The following ICE2 variants were observed in gnomAD, a reference collection of about 807,000 sequenced individuals.
The protein encoded by ICE2 is interactor of little elongation complex ELL subunit 2, also known as little elongation complex subunit 2.
In ICE2, 87 loss-of-function variants were observed where a neutral mutation model predicts 105.4. The observed-to-expected ratio is 0.83, with a 90% CI of 0.69 to 0.99. ICE2 has a LOEUF of 0.99. Among genes scored for constraint, ICE2 ranks in the 50% least tolerant of loss-of-function variants. The probability of loss-of-function intolerance (pLI) is 0.00; values close to 1 mark genes in which losing one functional copy is unlikely to be tolerated. For synonymous variants in ICE2, 399 were observed against 392.0 expected, an observed-to-expected ratio of 1.02 and a Z score of -0.21; for missense variants, 1,323 against 1,146.7, an observed-to-expected ratio of 1.15 and a Z score of -2.22.
chr15:60,454,182 T>C (rs1396579551), intron 8 of ICE2, among the ~76,000 whole-genome samples: 1 of 152,232 alleles, frequency 6.6e-6, no homozygotes, highest in Non-Finnish European at 1.5e-5. Flanking sequence ...GTATTTATGC[T>C]GTGACATATA....
At chr15:60,451,930 A>G (rs1452114578) in intron 9 of ICE2, 2 of 296,046 alleles carry the variant, frequency 6.8e-6, no homozygotes, top group Non-Finnish European at 1.0e-5. Context: ...CAGCCCTACA[A>G]TTCCTCACTA....
Position 60,428,381 on chromosome 15 carries a change from C to G in ICE2, c.2820+48G>C, listed in dbSNP as rs749730306. The G allele has an allele frequency of 2.6e-6, 4 of 1,565,760 alleles. No individual in the cohort carries two copies. The Admixed American group carries it at 5.3e-5, about 21-fold the overall frequency. On this transcript the variant is annotated intron_variant, in intron 15 of 15. Coordinates refer to ENST00000261520, the MANE Select transcript of ICE2 (RefSeq NM_024611.6). ...AATACGGTAAAGTCAGTGAAATAGA[C>G]GAATAATAAACAACCTAATGAACCT...
intron 3 of ICE2, among the ~76,000 whole-genome samples, chr15:60,470,025 A>G (rs76523000): frequency 0.023 from 3,445 of 152,280 alleles, 120 homozygotes; most frequent in African/African-American, 0.073. Flanking sequence ...TCCAAATTAC[A>G]CAACAATCCA....
chr15:60,449,042 A>C lies in ICE2; in HGVS notation c.1925T>G (p.Phe642Cys), dbSNP rs769068775. 17 of 1,613,244 alleles carry C rather than the reference A, an allele frequency of 1.1e-5. No homozygotes were observed. The highest frequency in any genetic ancestry group is 1.4e-5 in the Non-Finnish European group (16 of 1,179,774). The change falls in exon 10 of 16, where the codon TTT becomes TGT. Residue 642 changes from phenylalanine (F) to cysteine (C), a missense_variant. Transcript: ENST00000261520. Reference sequence around the variant, plus strand: ...TTTTAAAATCTCTCCAACTGGATCAAATTTTTTATATACTCGTTTGATAGG... The same window carrying C: ...TTTTAAAATCTCTCCAACTGGATCACATTTTTTATATACTCGTTTGATAGG... ...KKPIKRVYKK[F>C]DPVGEILKMQ...
Position 60,437,192 on chromosome 15 carries a change from T to C in ICE2, c.2426-965A>G, listed in dbSNP as rs568776642. On this transcript the variant is annotated intron_variant, in intron 12 of 15. Transcript: ENST00000261520. ...ATTGTTTGAACCCAGGAGATGGAGG[T>C]TGCAGTGAGCCGATACAGTGCTACA... is the stretch of plus-strand genomic sequence containing the variant. Among the ~76,000 whole-genome samples, 4 of 150,890 alleles carry C rather than the reference T, an allele frequency of 2.7e-5. No homozygotes were observed. In the South Asian group the frequency reaches 6.3e-4, roughly 24 times the overall value.
chr15:60,423,523 C>T lies in ICE2; in HGVS notation c.*111G>A. 1 of 976,632 alleles carries T rather than the reference C, an allele frequency of 1.0e-6. No homozygotes were observed. 60.5% of individuals were successfully genotyped at this position (976,632 alleles called of 1,614,324 possible). On this transcript the variant is annotated 3_prime_UTR_variant, in exon 16 of 16. Coordinates refer to ENST00000261520, the MANE Select transcript of ICE2 (RefSeq NM_024611.6). ...AACACATTTTTTCAAGGCACTCTAG[C>T]TACTACAGGAAAAATGTTCCTCTTG...
rs762689908 is a variant in ICE2, at chr15:60,449,658, C to T, written c.1309G>A (p.Ala437Thr). The T allele has an allele frequency of 2.5e-6, 4 of 1,614,084 alleles. No individual in the cohort carries two copies. The Admixed American group carries it at 6.7e-5, about 27-fold the overall frequency. Residue 437 changes from alanine to threonine, a missense_variant, in exon 10 of 16, where the codon GCA becomes ACA. Coordinates refer to ENST00000261520, the MANE Select transcript of ICE2 (RefSeq NM_024611.6). ...NMTDAPTAPK[A>T]GTTTVAPSAP... Reference sequence around the variant, plus strand: ...CTTGGTGCCACAGTTGTAGTTCCTGCTTTGGGGGCTGTAGGAGCATCTGTC... The same window carrying T: ...CTTGGTGCCACAGTTGTAGTTCCTGTTTTGGGGGCTGTAGGAGCATCTGTC...
At chr15:60,435,775 A>G (rs568853233) in intron 13 of ICE2, among the ~76,000 whole-genome samples, 4 of 152,280 alleles carry the variant, frequency 2.6e-5, no homozygotes, top group South Asian at 2.1e-4. Flanking sequence ...CAGGGGTTTG[A>G]GACCAGCCCA....
In ICE2 at chr15:60,465,886, G is replaced by C. The variant is rs113790319; in HGVS notation, c.528+708C>G. On this transcript the variant is annotated intron_variant, in intron 5 of 15. Coordinates refer to ENST00000261520, the MANE Select transcript of ICE2 (RefSeq NM_024611.6). ...CCTGCCTCAGTCTCCTGAGTAGCTG[G>C]GATTACAAGCGCCCACCACCACGAC... is the stretch of plus-strand genomic sequence containing the variant. Among the ~76,000 whole-genome samples, 5 of 151,448 alleles carry C rather than the reference G, an allele frequency of 3.3e-5. 1 individual carries two copies. The highest frequency in any genetic ancestry group is 1.2e-4 in the African/African-American group (5 of 41,238).
At chr15:60,432,181 C>CT (rs35081421) in intron 13 of ICE2, among the ~76,000 whole-genome samples, 197 bp from the exon 14 acceptor site, 5,820 of 110,638 alleles carry the variant, frequency 0.053, 211 homozygotes, top group Non-Finnish European at 0.062. Context: ...AAAAAATTTC[C>CT]TTTTTTTTTT....
chr15:60,435,294 A>G (rs998140166), intron 13 of ICE2, among the ~76,000 whole-genome samples: 1 of 145,038 alleles, frequency 6.9e-6, no homozygotes, highest in Non-Finnish European at 1.5e-5. Context: ...AAACAAAACA[A>G]AACAAAACAA....
At chr15:60,423,871 T>TTA in intron 15 of ICE2, 109 bp from the exon 16 acceptor site, 1 of 995,668 alleles carries the variant, frequency 1.0e-6, no homozygotes, top group Non-Finnish European at 1.4e-6. Flanking sequence ...AAATAAGCTC[T>TTA]TATATATTTT....
intron 5 of ICE2, among the ~76,000 whole-genome samples, chr15:60,459,877 T>A (rs1239126751): frequency 1.3e-5 from 2 of 151,590 alleles, no homozygotes; most frequent in African/African-American, 4.9e-5. Context: ...GTCAATCCCC[T>A]CAAAAGGAGT....
intron 14 of ICE2, among the ~76,000 whole-genome samples, chr15:60,431,367 G>A (rs1254576110): frequency 2.0e-5 from 3 of 152,038 alleles, no homozygotes; most frequent in African/African-American, 7.2e-5. Flanking sequence ...ATGTGAGAAG[G>A]CCCAAAGTAA....
intron 6 of ICE2, among the ~76,000 whole-genome samples, 192 bp from the exon 7 acceptor site, chr15:60,455,634 T>TC (rs1260094638): frequency 6.6e-6 from 1 of 151,990 alleles, no homozygotes; most frequent in Non-Finnish European, 1.5e-5. Context: ...TTTTTTTTTT[T>TC]TGAGACTAAG....
At chr15:60,429,054 T>G (rs1378785877) in intron 14 of ICE2, among the ~76,000 whole-genome samples, 1 of 152,174 alleles carries the variant, frequency 6.6e-6, no homozygotes, top group African/African-American at 2.4e-5. Flanking sequence ...CATTTAACAC[T>G]GCAACTATTT....
chr15:60,472,187 AAC>A (rs2064618901), intron 3 of ICE2, among the ~76,000 whole-genome samples: 1 of 152,126 alleles, frequency 6.6e-6, no homozygotes, highest in Admixed American at 6.5e-5. Context: ...AAAGAAAAGT[AAC>A]ACAATATTAA....
intron 8 of ICE2, chr15:60,454,686 T>C (rs967061923): frequency 1.0e-5 from 2 of 200,414 alleles, no homozygotes; most frequent in African/African-American, 4.6e-5. Context: ...CCAACCTCTT[T>C]TTTCTTTTTT....
intron 8 of ICE2, chr15:60,454,745 T>C (rs2064054583): frequency 3.0e-6 from 1 of 328,826 alleles, no homozygotes; most frequent in South Asian, 1.5e-4. Flanking sequence ...TGGGCAGGTT[T>C]GTTACATAGC....
Sources: gnomAD v4.1 joint callset for allele counts (sites outside exome capture counted in the v4.1 genomes callset) on GRCh38, gnomAD v4.1.1 for gene constraint, MANE v1.5 for transcripts, NCBI Gene and HGNC (gene_info 2026-07-23, HGNC 2026-07-21) for gene names.